LCORL: variants seen among roughly 807,000 people sequenced by gnomAD.
The protein encoded by LCORL is ligand dependent nuclear receptor corepressor like.
In LCORL, 41 loss-of-function variants were observed where a neutral mutation model predicts 141.8. The ratio of observed to expected loss-of-function variants is 0.29; its 90% CI spans 0.23 to 0.38. LCORL has a LOEUF of 0.38. LCORL is among the 10% of genes least tolerant of loss of function. LCORL has a pLI of 1.00. For missense variants in LCORL, 1,759 were observed against 2,035.0 expected (o/e 0.86, Z 2.61); for synonymous variants, 618 against 694.1 (o/e 0.89, Z 1.72).
chr4:17,951,666 G>A (rs879472299), intron 4 of LCORL, among the ~76,000 whole-genome samples: 6 of 152,284 alleles, frequency 3.9e-5, no homozygotes, highest in Non-Finnish European at 7.4e-5. Flanking sequence ...GTTTGGATGT[G>A]TGTATATACA....
intron 7 of LCORL, among the ~76,000 whole-genome samples, chr4:17,849,753 CT>C (rs1158800864): frequency 6.6e-6 from 1 of 152,122 alleles, no homozygotes; most frequent in Non-Finnish European, 1.5e-5. Context: ...CTACCAATGA[CT>C]TTCTTCACAG....
chr4:17,869,191 G>T (rs1726046116), intron 7 of LCORL, among the ~76,000 whole-genome samples: 1 of 151,378 alleles, frequency 6.6e-6, no homozygotes, highest in Admixed American at 6.6e-5. Flanking sequence ...ATCTTCAATT[G>T]TTTATTCCCT....
Position 17,884,129 on chromosome 4 carries a change from G to A in LCORL, c.776+1939C>T, listed in dbSNP as rs1382749771. The A allele has an allele frequency of 4.5e-6, 7 of 1,550,652 alleles. No individual in the cohort carries two copies. Among genetic ancestry groups the A allele is most frequent in the East Asian group, 2.4e-5 (1 of 40,892 alleles). On this transcript the variant is annotated intron_variant, in intron 6 of 7. Transcript: ENST00000635767. This position sits in a 1 kb window ranked among gnomAD's most constrained non-coding sequence, Gnocchi z 4.4. Reference sequence around the variant, plus strand: ...AACACTTGAGTGAGTTACAGGCCCAGAACATTCTATTTTGTTCTGTTTAGG... The same window carrying A: ...AACACTTGAGTGAGTTACAGGCCCAAAACATTCTATTTTGTTCTGTTTAGG...
chr4:17,865,855 G>A (rs537944187), intron 7 of LCORL, among the ~76,000 whole-genome samples: 1 of 152,254 alleles, frequency 6.6e-6, no homozygotes, highest in South Asian at 2.1e-4. Flanking sequence ...AATCACAATG[G>A]TCTAAGTGTG....
In LCORL at chr4:17,972,903, G is replaced by A; in HGVS notation, c.155-18C>T. 7.8e-7 allele frequency: 1 copy of A among 1,280,040 alleles called. No homozygotes were observed. 79.3% of individuals were successfully genotyped at this position (1,280,040 alleles called of 1,614,324 possible). On this transcript the variant is annotated intron_variant, in intron 1 of 7. Coordinates refer to ENST00000635767, the Ensembl canonical transcript of LCORL. Reference sequence around the variant, plus strand: ...CTCAAAACCTGTGTTTTTAGAGAGAGAAAAGTATATTAACTACTAGAAAAG... The same window carrying A: ...CTCAAAACCTGTGTTTTTAGAGAGAAAAAAGTATATTAACTACTAGAAAAG...
At chr4:17,883,522 T>G in intron 6 of LCORL, 1 of 1,323,526 alleles carries the variant, frequency 7.6e-7, no homozygotes. Flanking sequence ...CTGTCCACAG[T>G]GAAAACCCTG....
intron 2 of LCORL, among the ~76,000 whole-genome samples, chr4:17,966,630 A>C (rs1714938664): frequency 6.6e-6 from 1 of 152,104 alleles, no homozygotes; most frequent in Non-Finnish European, 1.5e-5. Flanking sequence ...CAAATATCAA[A>C]CTCTGTCTGA....
chr4:17,874,140 C>A, exon 7 of LCORL: 1 of 1,233,934 alleles, frequency 8.1e-7, no homozygotes, highest in Non-Finnish European at 1.0e-6. Context: ...GTCAACTGTT[C>A]CATGGTTGTG....
At chr4:17,866,572 T>C (rs1725685744) in intron 7 of LCORL, among the ~76,000 whole-genome samples, 2 of 152,086 alleles carry the variant, frequency 1.3e-5, no homozygotes, top group African/African-American at 4.8e-5. Context: ...AATAAATGCA[T>C]TTTCCAGGTT....
chr4:18,001,562 A>G (rs968099734), intron 1 of LCORL, among the ~76,000 whole-genome samples: 2 of 152,228 alleles, frequency 1.3e-5, no homozygotes, highest in African/African-American at 4.8e-5. Flanking sequence ...ACTTAAAAAA[A>G]GAAGTCAAGA....
chr4:17,975,319 T>C (rs1051215774), intron 1 of LCORL, among the ~76,000 whole-genome samples: 15 of 152,164 alleles, frequency 9.9e-5, no homozygotes, highest in Non-Finnish European at 2.2e-4. Context: ...GATGTCTTAT[T>C]TTACACATAG....
intron 4 of LCORL, among the ~76,000 whole-genome samples, chr4:17,926,939 T>C (rs1735246195): frequency 6.6e-6 from 1 of 152,184 alleles, no homozygotes; most frequent in South Asian, 2.1e-4. Flanking sequence ...AACCAGAGAG[T>C]AAGCCTGTCC....
chr4:17,939,495 T>TA (rs891876246), intron 4 of LCORL, among the ~76,000 whole-genome samples: 1 of 152,128 alleles, frequency 6.6e-6, no homozygotes, highest in African/African-American at 2.4e-5. Context: ...AACAGATGTC[T>TA]AAAAAAGAGA....
exon 7 of LCORL, chr4:17,875,028 A>G: frequency 8.1e-7 from 1 of 1,233,650 alleles, no homozygotes; most frequent in Non-Finnish European, 1.0e-6. Flanking sequence ...AGTAGCAATC[A>G]TACGTTTTGA....
At chr4:17,904,076 A>G (rs1285755091) in intron 5 of LCORL, among the ~76,000 whole-genome samples, 1 of 152,024 alleles carries the variant, frequency 6.6e-6, no homozygotes, top group Non-Finnish European at 1.5e-5. Flanking sequence ...AACAATGAGT[A>G]TATTCTTCAT....
intron 1 of LCORL, among the ~76,000 whole-genome samples, chr4:17,992,126 T>C (rs1400123725): frequency 2.0e-5 from 3 of 152,206 alleles, no homozygotes; most frequent in East Asian, 1.9e-4. Context: ...GGGTAATTTA[T>C]AAAGCAAAGA....
intron 4 of LCORL, among the ~76,000 whole-genome samples, chr4:17,927,599 G>A (rs1735354459): frequency 1.3e-5 from 2 of 152,042 alleles, no homozygotes; most frequent in Admixed American, 1.3e-4. Flanking sequence ...TAAATACCCA[G>A]AGGCCATTGT....
chr4:17,850,670 A>C (rs1723555016), intron 7 of LCORL, among the ~76,000 whole-genome samples: 1 of 150,716 alleles, frequency 6.6e-6, no homozygotes, highest in Admixed American at 6.6e-5. Flanking sequence ...ACACTTTGAC[A>C]CTGTTGGTGG....
At position 18,021,735 on chromosome 4, in the gene LCORL, T is replaced by A. The variant is rs1367521551; in HGVS notation, c.17A>T (p.Glu6Val). 7 of 1,520,338 alleles carry A rather than the reference T, an allele frequency of 4.6e-6. No individual in the cohort carries two copies. Among genetic ancestry groups the A allele is most frequent in the South Asian group, 1.2e-5 (1 of 80,208 alleles). The allele number at this position is 1,520,338 out of a possible 1,614,324, so 94.2% of individuals were successfully genotyped here. Residue 6 changes from glutamate (E) to valine (V), a missense_variant, in exon 1 of 8, where the codon GAG (glutamate) becomes GTG (valine). By Grantham distance (121) the Glu-to-Val change is moderately radical. Coordinates refer to ENST00000635767, the Ensembl canonical transcript of LCORL. This position sits in a 1 kb window ranked among gnomAD's most constrained non-coding sequence, Gnocchi z 5.5. ...AGCGGCGGCGGCAGCGGCCATTCTCTCTCTTCCCTTGTCCATCTGCGTCCC... is the reference window on the plus strand; with the variant it reads ...AGCGGCGGCGGCAGCGGCCATTCTCACTCTTCCCTTGTCCATCTGCGTCCC...
Sources: gnomAD v4.1 joint callset for allele counts (sites outside exome capture counted in the v4.1 genomes callset) on GRCh38, gnomAD v4.1.1 for gene constraint, Gnocchi (gnomAD v3.1) non-coding constraint, MANE v1.5 for transcripts, NCBI Gene and HGNC (gene_info 2026-07-23, HGNC 2026-07-21) for gene names.